Variants in NRG1 observed in about 807,000 individuals in gnomAD.
NRG1 encodes the protein neuregulin 1, also known as pro-neuregulin-1, membrane-bound isoform.
NRG1 carries 18 observed loss-of-function variants against 63.8 expected under a neutral mutation model. The ratio of observed to expected loss-of-function variants is 0.28; its 90% CI spans 0.19 to 0.42. NRG1 has a LOEUF of 0.42. NRG1 is among the 10% of genes least tolerant of loss of function. The probability of loss-of-function intolerance (pLI) is 1.00; values close to 1 mark genes in which losing one functional copy is unlikely to be tolerated. For missense variants in NRG1, 762 were observed against 814.7 expected (o/e 0.94, Z 0.79); for synonymous variants, 302 against 301.3 (o/e 1.00, Z -0.02).
At chr8:31,799,992 T>G (rs2131712104) in intron 1 of NRG1, among the ~76,000 whole-genome samples, 1 of 152,360 alleles carries the variant, frequency 6.6e-6, no homozygotes, top group South Asian at 2.1e-4. Flanking sequence ...GAAGCCATGT[T>G]GAACCTATAC....
Position 32,660,955 on chromosome 8 carries a change from C to T in NRG1, c.502+44070C>T, listed in dbSNP as rs530137519. ...AGGAATTCCAAGGGACCTATTGACA[C>T]AGCTATGGATGTGCTACTATTTATT... On this transcript the variant is annotated intron_variant, in intron 5 of 11. Transcript: ENST00000356819. Among the ~76,000 whole-genome samples, 119 of 152,338 alleles carry T rather than the reference C, an allele frequency of 7.8e-4. 2 individuals are homozygous for T. In the South Asian group the frequency reaches 0.024, roughly 31 times the overall value.
At chr8:31,764,340 T>G (rs1223394726) in intron 1 of NRG1, among the ~76,000 whole-genome samples, 1 of 152,170 alleles carries the variant, frequency 6.6e-6, no homozygotes, top group Non-Finnish European at 1.5e-5. Flanking sequence ...ATAAATAGCA[T>G]TTTCATCACT....
intron 1 of NRG1, among the ~76,000 whole-genome samples, chr8:31,995,394 C>A (rs1554596065): frequency 6.6e-6 from 1 of 151,874 alleles, no homozygotes; most frequent in Non-Finnish European, 1.5e-5. Flanking sequence ...TATAATCCTG[C>A]AGAGTTTTTC....
chr8:32,532,573 G>T (rs2129518282), intron 1 of NRG1, among the ~76,000 whole-genome samples: 1 of 152,122 alleles, frequency 6.6e-6, no homozygotes, highest in South Asian at 2.1e-4. Flanking sequence ...GGAAACTTTT[G>T]CTTTATTTAA....
At chr8:31,865,251 G>T (rs1285300648) in intron 1 of NRG1, among the ~76,000 whole-genome samples, 1 of 152,110 alleles carries the variant, frequency 6.6e-6, no homozygotes, top group Admixed American at 6.6e-5. Flanking sequence ...CAAGACCACT[G>T]CTGACCTGGA....
At chr8:32,055,963 C>G (rs1294610381) in intron 1 of NRG1, among the ~76,000 whole-genome samples, 1 of 152,106 alleles carries the variant, frequency 6.6e-6, no homozygotes, top group East Asian at 1.9e-4. Context: ...GTATTAAATA[C>G]AAACCAGAAT....
At position 32,653,410 on chromosome 8, in the gene NRG1, A is replaced by G. The variant is rs913139532; in HGVS notation, c.502+36525A>G. 2.6e-5 allele frequency among the ~76,000 whole-genome samples: 4 copies of G among 151,988 alleles called. No individual in the cohort carries two copies. In the East Asian group the frequency reaches 7.7e-4, roughly 29 times the overall value. On this transcript the variant is annotated intron_variant, in intron 5 of 11. Coordinates refer to ENST00000356819, the Ensembl canonical transcript of NRG1. ...ACTTCCACTCCTGTCTTTTCTTAAT[A>G]TGTTTTCTTCTCCATCTACCAAATA...
chr8:32,421,888 G>A (rs565623806), intron 1 of NRG1, among the ~76,000 whole-genome samples: 6 of 152,264 alleles, frequency 3.9e-5, no homozygotes, highest in South Asian at 4.1e-4. Flanking sequence ...AGTAGGAACA[G>A]AAAGTCAAAT....
chr8:32,642,005 T>G (rs182120032), intron 5 of NRG1, among the ~76,000 whole-genome samples: 2 of 152,108 alleles, frequency 1.3e-5, no homozygotes, highest in African/African-American at 2.4e-5. Flanking sequence ...ATATTCCAAA[T>G]TTTCCCTCCA....
chr8:32,388,756 C>A (rs1156909812), intron 1 of NRG1, among the ~76,000 whole-genome samples: 3 of 151,612 alleles, frequency 2.0e-5, no homozygotes, highest in African/African-American at 7.3e-5. Context: ...TCTGCCTTTT[C>A]TCATAATGAC....
intron 1 of NRG1, among the ~76,000 whole-genome samples, chr8:32,151,852 G>A (rs540944054): frequency 1.2e-4 from 18 of 152,248 alleles, no homozygotes; most frequent in African/African-American, 4.3e-4. Flanking sequence ...AAGGGTTTCA[G>A]ACATTGTCCG....
At position 32,583,270 on chromosome 8, in the gene NRG1, T is replaced by G. The variant is rs148655915; in HGVS notation, c.101-12558T>G. Among the ~76,000 whole-genome samples, 293 of 152,318 alleles carry G rather than the reference T, an allele frequency of 1.9e-3. 1 individual carries two copies. The highest frequency in any genetic ancestry group is 0.01 in the Middle Eastern group (3 of 294). ...TTTAATTAGGTTTTTACAACTGTAT[T>G]GAAATAGGTGTGGCAGGTGCTATTT... On this transcript the variant is annotated intron_variant, in intron 1 of 11. Coordinates refer to ENST00000356819, the Ensembl canonical transcript of NRG1.
At chr8:32,124,703 T>C (rs1259350870) in intron 1 of NRG1, among the ~76,000 whole-genome samples, 2 of 151,838 alleles carry the variant, frequency 1.3e-5, no homozygotes, top group African/African-American at 4.8e-5. Context: ...CCCCATCCTA[T>C]TAGCTTTTCC....
chr8:32,126,957 C>T (rs1307219059), intron 1 of NRG1, among the ~76,000 whole-genome samples: 1 of 151,844 alleles, frequency 6.6e-6, no homozygotes, highest in Non-Finnish European at 1.5e-5. Context: ...CCTCCACAGT[C>T]ATCTCCTGTT....
intron 1 of NRG1, among the ~76,000 whole-genome samples, chr8:31,974,577 T>C (rs1807848484): frequency 6.6e-6 from 1 of 152,186 alleles, no homozygotes; most frequent in Admixed American, 6.5e-5. Context: ...CAAATAACTT[T>C]GGGGCATCTA....
At chr8:31,990,760 A>G (rs1810928520) in intron 1 of NRG1, among the ~76,000 whole-genome samples, 1 of 152,116 alleles carries the variant, frequency 6.6e-6, no homozygotes, top group African/African-American at 2.4e-5. Context: ...ACAAGGTTGA[A>G]ATATCAGCAT....
chr8:31,870,956 A>C (rs563113387), intron 1 of NRG1, among the ~76,000 whole-genome samples: 1 of 152,014 alleles, frequency 6.6e-6, no homozygotes, highest in South Asian at 2.1e-4. Context: ...TAGTAGCTGA[A>C]GATTTTTCTG....
intron 1 of NRG1, among the ~76,000 whole-genome samples, chr8:32,126,149 C>T (rs543148338): frequency 3.3e-5 from 5 of 151,914 alleles, no homozygotes; most frequent in South Asian, 4.1e-4. Context: ...TGCTGAGAAA[C>T]GAACTCAAGA....
chr8:32,475,448 A>G (rs1587860750), intron 1 of NRG1, among the ~76,000 whole-genome samples: 1 of 113,178 alleles, frequency 8.8e-6, no homozygotes, highest in East Asian at 2.4e-4. Context: ...CTGGTGACAG[A>G]GAGAGACTCT....
Sources: allele counts gnomAD v4.1 joint callset (sites outside exome capture counted in the v4.1 genomes callset), GRCh38; gene constraint gnomAD v4.1.1; transcripts MANE v1.5; gene names NCBI Gene and HGNC (gene_info 2026-07-23, HGNC 2026-07-21).